Variants in IFT122 observed in about 807,000 individuals in gnomAD.
IFT122 encodes intraflagellar transport protein 122 homolog.
In IFT122, 118 loss-of-function variants were observed where a neutral mutation model predicts 161.6. The ratio of observed to expected loss-of-function variants is 0.73; its 90% CI spans 0.63 to 0.85. The LOEUF (loss-of-function observed/expected upper bound fraction) is 0.85. Among genes scored for constraint, IFT122 ranks in the 40% least tolerant of loss-of-function variants. The probability of loss-of-function intolerance (pLI) is 0.00; values close to 1 mark genes in which losing one functional copy is unlikely to be tolerated. For missense variants in IFT122, 1,381 were observed against 1,579.6 expected, an observed-to-expected ratio of 0.87 and a Z score of 2.13; for synonymous variants, 550 against 602.4, an observed-to-expected ratio of 0.91 and a Z score of 1.27.
intron 4 of IFT122, chr3:129,460,890 T>C (rs555352694): frequency 6.2e-7 from 1 of 1,614,096 alleles, no homozygotes; most frequent in African/African-American, 1.3e-5. Context: ...ACCTCCATCT[T>C]CCATTTCTGG....
intron 15 of IFT122, among the ~76,000 whole-genome samples, chr3:129,487,105 C>G (rs1222330354): frequency 6.6e-6 from 1 of 152,198 alleles, no homozygotes; most frequent in Non-Finnish European, 1.5e-5. Context: ...AACAATACTT[C>G]AAGCTCCACA....
Position 129,506,493 on chromosome 3 carries a change from A to G in IFT122, c.2735A>G (p.Asn912Ser). Reference sequence around the variant, plus strand: ...AATGCCGTGGCGGAGAGCAGGTTTAATGATGCTGCCTATTATTACTGGATG... The same window carrying G: ...AATGCCGTGGCGGAGAGCAGGTTTAGTGATGCTGCCTATTATTACTGGATG... ...TNNAVAESRFNDAAYYYWMLS... is the reference protein window; with the variant it reads ...TNNAVAESRFSDAAYYYWMLS... The change falls in exon 22 of 30, where the codon AAT (asparagine) becomes AGT (serine). Residue 912 changes from asparagine to serine, a missense_variant. Physicochemically the swap from Asn to Ser is conservative, Grantham distance 46 (BLOSUM62 1). Transcript: ENST00000348417. 6.2e-7 allele frequency: 1 copy of G among 1,614,226 alleles called. No homozygotes were observed. Among genetic ancestry groups the G allele is most frequent in the South Asian group, 1.1e-5 (1 of 91,086 alleles).
intron 24 of IFT122, chr3:129,513,993 A>G: frequency 2.8e-6 from 1 of 360,618 alleles, no homozygotes; most frequent in South Asian, 2.1e-5. Context: ...CTCCCCAGGG[A>G]GTCTGGACCA....
chr3:129,460,036 C>G, intron 4 of IFT122, among the ~76,000 whole-genome samples: 1 of 151,952 alleles, frequency 6.6e-6, no homozygotes, highest in Non-Finnish European at 1.5e-5. Context: ...AGATACGAGC[C>G]ACTGCACCTG....
At chr3:129,515,179 C>T in intron 25 of IFT122, 1 of 523,950 alleles carries the variant, frequency 1.9e-6, no homozygotes, top group Non-Finnish European at 3.5e-6. Flanking sequence ...GTGCCCGGAG[C>T]ATGGTAAATG....
At chr3:129,509,087 G>A (rs545100578) in intron 23 of IFT122, among the ~76,000 whole-genome samples, 36 of 152,326 alleles carry the variant, frequency 2.4e-4, no homozygotes, top group Non-Finnish European at 4.6e-4. Flanking sequence ...CAGTCCAGCC[G>A]TGGAGCTGGT....
chr3:129,467,791 A>G (rs1190156468), intron 8 of IFT122, among the ~76,000 whole-genome samples: 3 of 152,224 alleles, frequency 2.0e-5, no homozygotes, highest in African/African-American at 7.2e-5. Flanking sequence ...ACTGTTTTAC[A>G]TAGTACCTGA....
At position 129,449,932 on chromosome 3, in the gene IFT122, T is replaced by C. The variant is rs2074547048; in HGVS notation, c.103T>C (p.Leu35=). The C allele has an allele frequency of 6.2e-7, 1 of 1,607,824 alleles. No individual in the cohort carries two copies. The highest frequency in any genetic ancestry group is 8.5e-7 in the Non-Finnish European group (1 of 1,174,256). ...ACTGATTTTGGCTGCCGGAAGCAGA[T>C]TACTGGTAGGATTTTGTCTTAGTTT... The part of the protein sequence containing the change: ...TQLILAAGSR[L]LVYDTSDGTL... The change falls in exon 2 of 30, where the codon TTA becomes CTA. Residue 35 remains leucine, a synonymous_variant. Transcript: ENST00000348417.
At chr3:129,519,056 G>A (rs748475770) in intron 27 of IFT122, 51 bp from the exon 28 acceptor site, 1 of 1,476,770 alleles carries the variant, frequency 6.8e-7, no homozygotes, top group South Asian at 1.1e-5. Flanking sequence ...TGGAGGCTAG[G>A]GTCTGTCTCC....
Position 129,504,194 on chromosome 3 carries a change from A to G in IFT122, c.2548-125A>G, listed in dbSNP as rs1052154227. 1.2e-5 allele frequency: 9 copies of G among 780,566 alleles called. No homozygotes were observed. The African/African-American group carries it at 1.4e-4, about 12-fold the overall frequency. 48.4% of individuals were successfully genotyped at this position (780,566 alleles called of 1,614,324 possible). ...CTGTGGGTAGTTTTTTGGGGGAGGC[A>G]CTCTCCCCCTCTGAGTTGTCAGGCT... is the stretch of plus-strand genomic sequence containing the variant. On this transcript the variant is annotated intron_variant, in intron 20 of 29. Transcript: ENST00000348417.
At chr3:129,445,830 A>C (rs146593426) in intron 1 of IFT122, among the ~76,000 whole-genome samples, 65 of 152,360 alleles carry the variant, frequency 4.3e-4, no homozygotes, top group African/African-American at 1.4e-3. Flanking sequence ...TTAAGAGCTC[A>C]GCAGGTGCTG....
In IFT122 at chr3:129,440,245, T is replaced by G; in HGVS notation, c.-86T>G. ...GGGTAACGCAGGTAGCCAAAGTGGC[T>G]TGTGGAGTGGCGACCGTTAGTGAGG... On this transcript the variant is annotated 5_prime_UTR_variant, in exon 1 of 30. Transcript: ENST00000348417. The G allele has an allele frequency of 6.6e-7, 1 of 1,519,846 alleles. No individual in the cohort carries two copies. The highest frequency in any genetic ancestry group is 8.9e-7 in the Non-Finnish European group (1 of 1,122,504). The allele number at this position is 1,519,846 out of a possible 1,614,324, so 94.1% of individuals were successfully genotyped here.
At chr3:129,450,724 T>G (rs2074686964) in intron 2 of IFT122, among the ~76,000 whole-genome samples, 1 of 124,538 alleles carries the variant, frequency 8.0e-6, no homozygotes, top group Non-Finnish European at 1.6e-5. Context: ...TTTTTTTTTT[T>G]TTTTTTTTTT....
chr3:129,449,865 G>T lies in IFT122; in HGVS notation c.42-6G>T, dbSNP rs757753414. ...TAATTGTCTTTTTCCCTTGTCTTCT[G>T]TTCAGTATAAATGACATCGCATTTA... On this transcript the variant is annotated splice_polypyrimidine_tract_variant and splice_region_variant and intron_variant, in intron 1 of 29. Transcript: ENST00000348417. The T allele has an allele frequency of 1.8e-5, 29 of 1,608,862 alleles. No homozygotes were observed. The highest frequency in any genetic ancestry group is 2.2e-5 in the Non-Finnish European group (26 of 1,175,316).
chr3:129,519,567 G>T lies in IFT122; in HGVS notation c.3472-1G>T, dbSNP rs1019124068. ...GTGCCTCCTTCCCGCCCACCCTGCA[G>T]CAAGGTGGCTCAGAGTTCGTGCCAG... On this transcript the variant is annotated splice_acceptor_variant, in intron 28 of 29. Coordinates refer to ENST00000348417, the MANE Select transcript of IFT122 (RefSeq NM_052989.3). LOFTEE classifies it high-confidence loss of function. The T allele has an allele frequency of 1.2e-6, 2 of 1,613,260 alleles. No homozygotes were observed. Among genetic ancestry groups the T allele is most frequent in the Non-Finnish European group, 1.7e-6 (2 of 1,180,018 alleles).
chr3:129,457,732 G>GTTTTT (rs971386664), intron 3 of IFT122, among the ~76,000 whole-genome samples: 6 of 119,622 alleles, frequency 5.0e-5, no homozygotes, highest in Non-Finnish European at 8.4e-5. Context: ...CACAGGAATA[G>GTTTTT]TTTTTTTTTT....
At position 129,500,001 on chromosome 3, in the gene IFT122, A is replaced by G. The variant is rs746478905; in HGVS notation, c.2308A>G (p.Met770Val). Reference sequence around the variant, plus strand: ...CAAGGAGCCCAAAGCCGCCGTGGAGATGTACATCTCAGCAGGAGAGCACGT... The same window carrying G: ...CAAGGAGCCCAAAGCCGCCGTGGAGGTGTACATCTCAGCAGGAGAGCACGT... ...NIKEPKAAVE[M>V]YISAGEHVKA... Residue 770 changes from methionine (M) to valine (V), a missense_variant, in exon 19 of 30, where the codon ATG becomes GTG. Around this residue, in one of 7 missense-constraint regions of IFT122, gnomAD observed 496 missense variants for 502.5 expected, o/e 0.99. Transcript: ENST00000348417. 5.0e-6 allele frequency: 8 copies of G among 1,614,136 alleles called. No homozygotes were observed. The Admixed American group carries it at 1.2e-4, about 24-fold the overall frequency.
In IFT122 at chr3:129,466,941, C is replaced by T; in HGVS notation, c.615C>T (p.Val205=). The T allele has an allele frequency of 6.2e-7, 1 of 1,614,164 alleles. No individual in the cohort carries two copies. The highest frequency in any genetic ancestry group is 8.5e-7 in the Non-Finnish European group (1 of 1,179,986). ...GAGAGAATGAGGATGCCGAGGATGT[C>T]ATTGTCAACAGATATATTCAGGAAA... The part of the protein sequence containing the change: ...MNRENEDAED[V]IVNRYIQEIP... The change falls in exon 8 of 30, where the codon GTC becomes GTT. Residue 205 remains valine, a synonymous_variant. Coordinates refer to ENST00000348417, the MANE Select transcript of IFT122 (RefSeq NM_052989.3).
intron 11 of IFT122, among the ~76,000 whole-genome samples, chr3:129,477,646 G>A (rs531783850): frequency 1.5e-3 from 232 of 152,310 alleles, no homozygotes; most frequent in Middle Eastern, 3.4e-3. Context: ...TGTCTTCCCC[G>A]TTTGTCAAGG....
Sources: gnomAD v4.1 joint callset for allele counts (sites outside exome capture counted in the v4.1 genomes callset) on GRCh38, gnomAD v4.1.1 for gene constraint, gnomAD v4.1.1 regional missense constraint, MANE v1.5 for transcripts, NCBI Gene and HGNC (gene_info 2026-07-23, HGNC 2026-07-21) for gene names.